The following FAM178B variants were observed in gnomAD, a reference collection of about 807,000 sequenced individuals.
FAM178B encodes protein FAM178B.
Under a neutral mutation model 91.7 loss-of-function variants are expected in FAM178B, and 82 were observed. The ratio of observed to expected loss-of-function variants is 0.89; its 90% CI spans 0.75 to 1.07. The LOEUF (loss-of-function observed/expected upper bound fraction) is 1.07, where lower values mean the gene tolerates loss of function less well. Ranked by LOEUF, FAM178B falls within the 50% of genes least tolerant of loss-of-function variation. The pLI is 0.00. For missense variants in FAM178B, 769 were observed against 846.7 expected (o/e 0.91, Z 1.14); for synonymous variants, 368 against 359.4 (o/e 1.02, Z -0.27).
At chr2:96,919,551 G>C (rs1487500272) in intron 12 of FAM178B, among the ~76,000 whole-genome samples, 1 of 152,218 alleles carries the variant, frequency 6.6e-6, no homozygotes, top group East Asian at 1.9e-4. Context: ...ACAGGATTTA[G>C]GGACGAAAGG....
chr2:96,973,111 G>T (rs1249259141), intron 1 of FAM178B, among the ~76,000 whole-genome samples: 2 of 151,606 alleles, frequency 1.3e-5, no homozygotes, highest in Non-Finnish European at 2.9e-5. Flanking sequence ...GGGAGGCTGA[G>T]GCAGGAGAAT....
At chr2:96,960,490 C>T (rs1316108986) in intron 5 of FAM178B, 50 bp from the exon 6 acceptor site, 2 of 1,496,448 alleles carry the variant, frequency 1.3e-6, no homozygotes, top group Non-Finnish European at 1.8e-6. Context: ...TGCACCTCGG[C>T]CTGAGGCATG....
chr2:96,947,702 T>C (rs2081852728), intron 8 of FAM178B, 116 bp downstream of exon 8: 2 of 633,952 alleles, frequency 3.2e-6, no homozygotes, highest in East Asian at 2.8e-5. Flanking sequence ...CTCTACACCC[T>C]GGATGCAATG....
chr2:96,933,391 A>G lies in FAM178B; in HGVS notation c.1079-4071T>C, dbSNP rs1574269693. ...TGACACTTGGGGGTATGGGGGGAAG[A>G]TAGAGGAAGAAAATCATCAGGCCTA... On this transcript the variant is annotated intron_variant, in intron 8 of 16. Coordinates refer to ENST00000490605, the MANE Select transcript of FAM178B (RefSeq NM_001122646.3). Among the ~76,000 whole-genome samples, 3 of 152,244 alleles carry G rather than the reference A, an allele frequency of 2.0e-5. No homozygotes were observed. The South Asian group carries it at 6.2e-4, about 32-fold the overall frequency.
chr2:96,960,576 A>AGC (rs2153374780), intron 5 of FAM178B, 136 bp from the exon 6 acceptor site: 1 of 1,031,626 alleles, frequency 9.7e-7, no homozygotes, highest in South Asian at 1.7e-5. Flanking sequence ...CCAAGGGGAC[A>AGC]GCGCCACCTG....
chr2:96,917,552 G>A (rs1574244259), intron 12 of FAM178B, among the ~76,000 whole-genome samples: 1 of 152,330 alleles, frequency 6.6e-6, no homozygotes, highest in South Asian at 2.1e-4. Flanking sequence ...GTCTTGAAAG[G>A]ATGAATTATT....
At chr2:96,913,300 G>C (rs1392702109) in intron 12 of FAM178B, among the ~76,000 whole-genome samples, 2 of 152,212 alleles carry the variant, frequency 1.3e-5, no homozygotes, top group African/African-American at 4.8e-5. Flanking sequence ...GGAACTCGCT[G>C]TGGCTCCGGG....
At chr2:96,961,966 A>G (rs2082086902) in intron 5 of FAM178B, among the ~76,000 whole-genome samples, 1 of 152,206 alleles carries the variant, frequency 6.6e-6, no homozygotes, top group African/African-American at 2.4e-5. Flanking sequence ...TGTCTTTGCC[A>G]TTAGTTTTGT....
At chr2:96,917,346 G>A (rs2081257920) in intron 12 of FAM178B, among the ~76,000 whole-genome samples, 2 of 152,198 alleles carry the variant, frequency 1.3e-5, no homozygotes, top group Non-Finnish European at 2.9e-5. Context: ...CCCTGCTGAC[G>A]TGGCTGCCTG....
intron 9 of FAM178B, 125 bp downstream of exon 9, chr2:96,929,081 C>T: frequency 1.4e-6 from 1 of 695,082 alleles, no homozygotes; most frequent in Non-Finnish European, 2.5e-6. Flanking sequence ...TCACTTGAGC[C>T]TGGGAGGTGG....
At chr2:96,925,542 G>T (rs2081422978) in intron 9 of FAM178B, among the ~76,000 whole-genome samples, 1 of 152,202 alleles carries the variant, frequency 6.6e-6, no homozygotes, top group Admixed American at 6.5e-5. Flanking sequence ...TGCCAGCAAG[G>T]GGCCACAGCC....
In FAM178B at chr2:96,986,360, T is replaced by C; in HGVS notation, c.-47A>G. ...CGGGGTGAGGGAGGGTGGCGGGAAT[T>C]CGCACGGCCTCAGAGGACGGGGCCA... is the stretch of plus-strand genomic sequence containing the variant. On this transcript the variant is annotated 5_prime_UTR_variant, in exon 1 of 17. Coordinates refer to ENST00000490605, the MANE Select transcript of FAM178B (RefSeq NM_001122646.3). The C allele has an allele frequency of 6.6e-7, 1 of 1,525,648 alleles. No homozygotes were observed. The highest frequency in any genetic ancestry group is 8.7e-7 in the Non-Finnish European group (1 of 1,143,186). The allele number at this position is 1,525,648 out of a possible 1,614,324, so 94.5% of individuals were successfully genotyped here.
chr2:96,915,689 A>G (rs922149466), intron 12 of FAM178B, among the ~76,000 whole-genome samples: 2 of 151,716 alleles, frequency 1.3e-5, no homozygotes, highest in Non-Finnish European at 2.9e-5. Context: ...GGTGGCACGC[A>G]CCTGTAGTCC....
chr2:96,951,343 G>A (rs754804522), intron 7 of FAM178B, 36 bp downstream of exon 7: 8 of 1,475,378 alleles, frequency 5.4e-6, no homozygotes, highest in East Asian at 2.5e-5. Flanking sequence ...AGACTGCAGC[G>A]CTCCCGCCAC....
At chr2:96,949,320 C>G (rs2081886058) in intron 7 of FAM178B, among the ~76,000 whole-genome samples, 1 of 152,182 alleles carries the variant, frequency 6.6e-6, no homozygotes, top group Non-Finnish European at 1.5e-5. Context: ...AGGCATGGCC[C>G]CAGCAGCCCT....
chr2:96,971,047 ACAGCAAACAACACCACATCACAGGCGC>A, intron 3 of FAM178B, among the ~76,000 whole-genome samples: 1 of 151,730 alleles, frequency 6.6e-6, no homozygotes, highest in Non-Finnish European at 1.5e-5. Context: ...TCACACAGAG[ACAGCAAACAACACCACATCACAGGCGC>A]CAGCACACCA....
chr2:96,957,322 C>G (rs1018726906), intron 6 of FAM178B, among the ~76,000 whole-genome samples: 1 of 152,210 alleles, frequency 6.6e-6, no homozygotes, highest in South Asian at 2.1e-4. Context: ...TAAATGGTGA[C>G]CTCCAGGAAG....
At chr2:96,937,146 C>T (rs1411831106) in intron 8 of FAM178B, among the ~76,000 whole-genome samples, 2 of 151,814 alleles carry the variant, frequency 1.3e-5, no homozygotes, top group Non-Finnish European at 2.9e-5. Flanking sequence ...CCTCCTGCCT[C>T]TGTCCTCCCA....
intron 1 of FAM178B, among the ~76,000 whole-genome samples, chr2:96,982,106 A>G (rs1309639860): frequency 1.6e-4 from 25 of 152,154 alleles, no homozygotes; most frequent in Admixed American, 1.6e-3. Context: ...CAAAGTCATG[A>G]ACATATTTTC....
Sources: allele counts gnomAD v4.1 joint callset (sites outside exome capture counted in the v4.1 genomes callset), GRCh38; gene constraint gnomAD v4.1.1; transcripts MANE v1.5; gene names NCBI Gene and HGNC (gene_info 2026-07-23, HGNC 2026-07-21).